CNTNAP2: variants seen among roughly 807,000 people sequenced by gnomAD.
CNTNAP2 encodes the protein contactin-associated protein-like 2.
CNTNAP2 carries 98 observed loss-of-function variants against 155.2 expected under a neutral mutation model. The observed-to-expected ratio is 0.63, with a 90% CI of 0.54 to 0.75. The LOEUF (loss-of-function observed/expected upper bound fraction) is 0.75, where lower values mean the gene tolerates loss of function less well. CNTNAP2 is among the 30% of genes least tolerant of loss of function. The pLI is 0.00. For missense variants in CNTNAP2, 1,727 were observed against 1,688.1 expected, an observed-to-expected ratio of 1.02 and a Z score of -0.40; for synonymous variants, 651 against 631.2, an observed-to-expected ratio of 1.03 and a Z score of -0.47.
intron 21 of CNTNAP2, among the ~76,000 whole-genome samples, chr7:148,381,127 C>T (rs968067834): frequency 1.3e-5 from 2 of 152,230 alleles, no homozygotes; most frequent in Admixed American, 1.3e-4. Context: ...GTGCAGGCTC[C>T]GTGGCAGCAT....
chr7:146,713,676 ATCCAAACATGTCTTTCTT>A (rs1236274810), intron 1 of CNTNAP2, among the ~76,000 whole-genome samples: 1 of 152,148 alleles, frequency 6.6e-6, no homozygotes, highest in African/African-American at 2.4e-5. Flanking sequence ...CAGACAGTAT[ATCCAAACATGTCTTTCTT>A]TTCCCATTCC....
chr7:147,341,839 T>C (rs998268281), intron 9 of CNTNAP2, among the ~76,000 whole-genome samples: 1 of 151,950 alleles, frequency 6.6e-6, no homozygotes, highest in African/African-American at 2.4e-5. Context: ...AAACCATTTA[T>C]TCATCTTAAA....
chr7:147,158,252 A>T (rs574805956), intron 8 of CNTNAP2, among the ~76,000 whole-genome samples: 3 of 152,126 alleles, frequency 2.0e-5, no homozygotes, highest in Non-Finnish European at 4.4e-5. Context: ...AAAAACAGAC[A>T]TATGGAAATA....
Position 146,721,891 on chromosome 7 carries a change from T to TA in CNTNAP2, c.98-52380_98-52379insA, listed in dbSNP as rs1202931748. ...TGTGTGTGTGTATATATATATATATTTTTTTTTTTTTTTTTGAGATGGAAC... is the reference window on the plus strand; with the variant it reads ...TGTGTGTGTGTATATATATATATATTATTTTTTTTTTTTTTTGAGATGGAAC... On this transcript the variant is annotated intron_variant, in intron 1 of 23. Transcript: ENST00000361727. 3.9e-3 allele frequency among the ~76,000 whole-genome samples: 313 copies of TA among 80,250 alleles called. 25 individuals are homozygous for TA. Among genetic ancestry groups the TA allele is most frequent in the Middle Eastern group, 0.013 (2 of 160 alleles). 52.6% of individuals were successfully genotyped at this position (80,250 alleles called of 152,430 possible). A position where few individuals can be genotyped will look rare whatever the true frequency, so the allele number is the denominator to read the frequency against.
At position 148,313,102 on chromosome 7, in the gene CNTNAP2, TG is replaced by T. The variant is rs547231073; in HGVS notation, c.3475+45980del. Among the ~76,000 whole-genome samples the T allele has an allele frequency of 7.3e-3, 1,110 of 151,086 alleles. 18 individuals carry two copies. Among genetic ancestry groups the T allele is most frequent in the African/African-American group, 0.025 (1,045 of 41,086 alleles). On this transcript the variant is annotated intron_variant, in intron 21 of 23. Transcript: ENST00000361727. ...GTATTGTCTAAGTTGGCACCAGAGT[TG>T]GGGAGTTTTAAGAGGTTTAGAAGCC...
intron 8 of CNTNAP2, among the ~76,000 whole-genome samples, chr7:147,218,098 C>G (rs1803314887): frequency 6.6e-6 from 1 of 151,882 alleles, no homozygotes; most frequent in South Asian, 2.1e-4. Flanking sequence ...CCTTTGGTTT[C>G]CTTGACTTTT....
rs192993704 is a variant in CNTNAP2, at chr7:148,097,829, G to A, written c.2384-20289G>A. Among the ~76,000 whole-genome samples, 60 of 152,254 alleles carry A rather than the reference G, an allele frequency of 3.9e-4. 1 individual carries two copies. In the East Asian group the frequency reaches 9.5e-3, roughly 24 times the overall value. ...GACGTTCGGTAAGCACCTACTATGT[G>A]CCCAGCAAGGTGTCAAAAACAGAGC... On this transcript the variant is annotated intron_variant, in intron 15 of 23. Coordinates refer to ENST00000361727, the MANE Select transcript of CNTNAP2 (RefSeq NM_014141.6).
chr7:147,570,320 C>T (rs572223711), intron 12 of CNTNAP2, among the ~76,000 whole-genome samples: 1 of 152,200 alleles, frequency 6.6e-6, no homozygotes, highest in East Asian at 1.9e-4. Flanking sequence ...TTCTGTTTAG[C>T]ATGCTTACCT....
intron 3 of CNTNAP2, among the ~76,000 whole-genome samples, chr7:147,008,655 T>C (rs1798568585): frequency 6.6e-6 from 1 of 152,160 alleles, no homozygotes; most frequent in Non-Finnish European, 1.5e-5. Flanking sequence ...TAGGCTTATA[T>C]AGCATTCTGA....
intron 14 of CNTNAP2, among the ~76,000 whole-genome samples, chr7:147,952,853 C>T (rs959546826): frequency 6.6e-6 from 1 of 152,086 alleles, no homozygotes; most frequent in Non-Finnish European, 1.5e-5. Flanking sequence ...GCTCCTGGTT[C>T]CCCAAATTGA....
chr7:147,184,018 C>T (rs576709017), intron 8 of CNTNAP2, among the ~76,000 whole-genome samples: 21 of 152,074 alleles, frequency 1.4e-4, no homozygotes, highest in Non-Finnish European at 2.8e-4. Flanking sequence ...GGGATGTCAT[C>T]TATTGCAATA....
chr7:148,068,630 A>G (rs1168501450), intron 15 of CNTNAP2, among the ~76,000 whole-genome samples: 2 of 152,224 alleles, frequency 1.3e-5, no homozygotes, highest in African/African-American at 4.8e-5. Context: ...ACTTGCTTTT[A>G]GACTTCATGA....
rs971128076 is a variant in CNTNAP2 at position 148,182,471 on chromosome 7, G to A, written c.3010+9993G>A. 4.6e-5 allele frequency among the ~76,000 whole-genome samples: 7 copies of A among 152,124 alleles called. 1 individual carries two copies. The South Asian group carries it at 8.3e-4, about 18-fold the overall frequency. On this transcript the variant is annotated intron_variant, in intron 18 of 23. Coordinates refer to ENST00000361727, the MANE Select transcript of CNTNAP2 (RefSeq NM_014141.6). Reference sequence around the variant, plus strand: ...ATTTCTTCACTCCACAACCATTTGCGCGCTTATCATTTCCAACAGGCAGCT... The same window carrying A: ...ATTTCTTCACTCCACAACCATTTGCACGCTTATCATTTCCAACAGGCAGCT...
intron 22 of CNTNAP2, 98 bp from the exon 23 acceptor site, chr7:148,409,293 C>T: frequency 1.1e-6 from 1 of 947,508 alleles, no homozygotes; most frequent in Non-Finnish European, 1.7e-6. Context: ...TTTGGGAAAA[C>T]AGGAAGTGTT....
chr7:147,560,518 G>T (rs1800042310), intron 11 of CNTNAP2, among the ~76,000 whole-genome samples: 1 of 152,148 alleles, frequency 6.6e-6, no homozygotes, highest in African/African-American at 2.4e-5. Context: ...GACATTGAAA[G>T]TGGGCATATT....
intron 13 of CNTNAP2, among the ~76,000 whole-genome samples, chr7:147,769,590 CTATGCTTGCATTT>C (rs1797435991): frequency 6.6e-6 from 1 of 152,070 alleles, no homozygotes; most frequent in African/African-American, 2.4e-5. Flanking sequence ...AGCACAGAGA[CTATGCTTGCATTT>C]AAAGGCAAAG....
chr7:146,907,709 A>C (rs1332197490), intron 3 of CNTNAP2, among the ~76,000 whole-genome samples: 1 of 150,860 alleles, frequency 6.6e-6, no homozygotes, highest in East Asian at 1.9e-4. Flanking sequence ...CCAAAATGTA[A>C]AGACCATCGA....
chr7:147,526,230 G>GAA (rs1436609478), intron 11 of CNTNAP2, among the ~76,000 whole-genome samples: 1 of 151,602 alleles, frequency 6.6e-6, no homozygotes, highest in African/African-American at 2.4e-5. Context: ...TATTGTTGTG[G>GAA]AAAAACATTG....
chr7:146,602,505 A>AATTCTGTG (rs1239634682), intron 1 of CNTNAP2, among the ~76,000 whole-genome samples: 1 of 152,210 alleles, frequency 6.6e-6, no homozygotes, highest in Non-Finnish European at 1.5e-5. Context: ...ATTTCCACAA[A>AATTCTGTG]GAATGTTTAC....
Sources: gnomAD v4.1 joint callset for allele counts (sites outside exome capture counted in the v4.1 genomes callset) on GRCh38, gnomAD v4.1.1 for gene constraint, MANE v1.5 for transcripts, NCBI Gene and HGNC (gene_info 2026-07-23, HGNC 2026-07-21) for gene names.